Variants in TCF12 observed in about 807,000 individuals in gnomAD.
TCF12 encodes the protein DNA-binding protein HTF4.
In TCF12, 45 loss-of-function variants were observed where a neutral mutation model predicts 86.0. The observed-to-expected ratio is 0.52, with a 90% CI of 0.41 to 0.67. TCF12 has a LOEUF of 0.67. Among genes scored for constraint, TCF12 ranks in the 30% least tolerant of loss-of-function variants. TCF12 has a pLI of 0.00. For missense variants in TCF12, 881 were observed against 859.9 expected (o/e 1.02, Z -0.31); for synonymous variants, 330 against 299.6 (o/e 1.10, Z -1.05).
intron 5 of TCF12, among the ~76,000 whole-genome samples, chr15:57,100,792 A>G (rs1352811917): frequency 6.6e-6 from 1 of 152,214 alleles, no homozygotes; most frequent in East Asian, 1.9e-4. Flanking sequence ...TAGCTTGATT[A>G]GTGGTCATGG....
At chr15:57,243,162 C>T (rs1262088551) in intron 12 of TCF12, among the ~76,000 whole-genome samples, 1 of 152,124 alleles carries the variant, frequency 6.6e-6, no homozygotes, top group African/African-American at 2.4e-5. Flanking sequence ...GAAAGATTGT[C>T]AGATTTGTTA....
chr15:57,170,704 TAATATATAA>T (rs2055338477), intron 6 of TCF12, among the ~76,000 whole-genome samples: 3 of 6,302 alleles, frequency 4.8e-4, no homozygotes, highest in African/African-American at 9.7e-4. Flanking sequence ...ATATTATATA[TAATATATAA>T]TATATATATT....
chr15:57,060,772 A>G (rs1363338108), intron 3 of TCF12, among the ~76,000 whole-genome samples: 2 of 152,180 alleles, frequency 1.3e-5, no homozygotes, highest in South Asian at 2.1e-4. Flanking sequence ...GTCAATTTGT[A>G]TAATATCTGT....
In TCF12 at chr15:56,964,059, G is replaced by T. The variant is rs577376833; in HGVS notation, c.148+42961G>T. 3.1e-4 allele frequency among the ~76,000 whole-genome samples: 47 copies of T among 152,328 alleles called. 1 individual carries two copies. Among genetic ancestry groups the T allele is most frequent in the Admixed American group, 1.3e-3 (20 of 15,296 alleles). ...TAACTTGAGGTCAAATATATTTTGA[G>T]CTGTAACTTGAGCGCAAATATGTTT... On this transcript the variant is annotated intron_variant, in intron 3 of 20. Coordinates refer to ENST00000333725, the MANE Select transcript of TCF12 (RefSeq NM_207037.2).
chr15:57,118,673 C>G (rs2051011571), intron 5 of TCF12, among the ~76,000 whole-genome samples: 1 of 152,126 alleles, frequency 6.6e-6, no homozygotes, highest in Non-Finnish European at 1.5e-5. Context: ...TTCTTCAGAC[C>G]TACTTGTCTA....
chr15:57,291,241 T>TC (rs2062066636), downstream of TCF12: 1 of 152,170 alleles, frequency 6.6e-6, no homozygotes, highest in African/African-American at 2.4e-5. Context: ...AATCTACACA[T>TC]CCCCCCACAT....
chr15:57,083,836 T>G (rs992482286), intron 4 of TCF12, among the ~76,000 whole-genome samples: 8 of 152,182 alleles, frequency 5.3e-5, no homozygotes, highest in African/African-American at 1.9e-4. Flanking sequence ...CCACCTCGGC[T>G]TCCCAAAGTA....
intron 3 of TCF12, among the ~76,000 whole-genome samples, chr15:57,018,423 C>T (rs892478242): frequency 6.6e-6 from 1 of 152,166 alleles, no homozygotes; most frequent in African/African-American, 2.4e-5. Flanking sequence ...TAATTGCTGT[C>T]TCATTTTAAT....
intron 5 of TCF12, among the ~76,000 whole-genome samples, chr15:57,130,900 A>G (rs1292548371): frequency 5.9e-5 from 9 of 152,326 alleles, no homozygotes; most frequent in Admixed American, 2.6e-4. Flanking sequence ...TAACTGGTCC[A>G]AAAGTCACAA....
intron 5 of TCF12, among the ~76,000 whole-genome samples, chr15:57,099,109 T>C (rs761630462): frequency 6.6e-6 from 1 of 152,228 alleles, no homozygotes; most frequent in Non-Finnish European, 1.5e-5. Context: ...TGCATTTAAT[T>C]TATAACATCC....
At chr15:57,233,025 ATG>A (rs1409157637) in intron 11 of TCF12, among the ~76,000 whole-genome samples, 169 bp downstream of exon 11, 1 of 118,248 alleles carries the variant, frequency 8.5e-6, no homozygotes, top group African/African-American at 2.5e-5. Flanking sequence ...ATATGTATAT[ATG>A]TGTGTATATA....
At chr15:57,065,773 T>C (rs1233442181) in intron 4 of TCF12, among the ~76,000 whole-genome samples, 1 of 152,192 alleles carries the variant, frequency 6.6e-6, no homozygotes, top group Admixed American at 6.5e-5. Context: ...TTCTTTTTGC[T>C]ATTTATAGGT....
chr15:57,031,224 TTG>T (rs1366471086), intron 3 of TCF12, among the ~76,000 whole-genome samples: 1 of 152,218 alleles, frequency 6.6e-6, no homozygotes, highest in Non-Finnish European at 1.5e-5. Flanking sequence ...TTTCAGAATG[TTG>T]GCTCCTGTCA....
chr15:57,045,963 A>G (rs759667093), intron 3 of TCF12, among the ~76,000 whole-genome samples: 14 of 152,236 alleles, frequency 9.2e-5, no homozygotes, highest in Admixed American at 4.6e-4. Flanking sequence ...ACTTAGACCC[A>G]GCAACTTCAT....
chr15:57,255,240 G>GT (rs149179529), intron 16 of TCF12, among the ~76,000 whole-genome samples: 1,775 of 152,136 alleles, frequency 0.012, 33 homozygotes, highest in African/African-American at 0.04. Context: ...TGAGAAAGTT[G>GT]TTTTTTTACC....
At chr15:56,997,704 T>C (rs1206335519) in intron 3 of TCF12, among the ~76,000 whole-genome samples, 1 of 152,148 alleles carries the variant, frequency 6.6e-6, no homozygotes, top group Non-Finnish European at 1.5e-5. Context: ...AATAAAATGG[T>C]AGATTTAAGT....
chr15:56,966,850 C>T (rs1050947322), intron 3 of TCF12, among the ~76,000 whole-genome samples: 2 of 152,138 alleles, frequency 1.3e-5, no homozygotes, highest in East Asian at 1.9e-4. Flanking sequence ...TGGCTGGGCA[C>T]GGTGGCTCAC....
intron 6 of TCF12, among the ~76,000 whole-genome samples, chr15:57,170,675 A>AACATATATATT (rs2055300060): frequency 1.1e-4 from 1 of 9,458 alleles, no homozygotes; most frequent in East Asian, 2.2e-3. Flanking sequence ...ATATATATAT[A>AACATATATATT]ATATATTATA....
At chr15:56,951,197 C>T (rs79711981) in intron 3 of TCF12, among the ~76,000 whole-genome samples, 6,314 of 152,172 alleles carry the variant, frequency 0.041, 366 homozygotes, top group African/African-American at 0.13. Flanking sequence ...CCTCTATATA[C>T]TTTCTAATGG....
Sources: gnomAD v4.1 joint callset for allele counts (sites outside exome capture counted in the v4.1 genomes callset) on GRCh38, gnomAD v4.1.1 for gene constraint, MANE v1.5 for transcripts, NCBI Gene and HGNC (gene_info 2026-07-23, HGNC 2026-07-21) for gene names.